Variants in CEP70 observed in about 807,000 individuals in gnomAD.
The protein encoded by CEP70 is centrosomal protein of 70 kDa.
A neutral mutation model predicts 90.9 loss-of-function variants in CEP70; 70 were observed. That is an observed-to-expected ratio of 0.77 (90% CI 0.64 to 0.94). The LOEUF is 0.94. CEP70 is among the 40% of genes least tolerant of loss of function. The probability of loss-of-function intolerance (pLI) is 0.00; values close to 1 mark genes in which losing one functional copy is unlikely to be tolerated. For synonymous variants in CEP70, 220 were observed against 228.3 expected, an observed-to-expected ratio of 0.96 and a Z score of 0.33; for missense variants, 648 against 669.0, an observed-to-expected ratio of 0.97 and a Z score of 0.35.
At chr3:138,527,977 C>T (rs899988774) in intron 10 of CEP70, among the ~76,000 whole-genome samples, 1 of 140,108 alleles carries the variant, frequency 7.1e-6, no homozygotes, top group African/African-American at 2.7e-5. Flanking sequence ...GTGTACTGTA[C>T]ATCAATTGTA....
intron 6 of CEP70, among the ~76,000 whole-genome samples, chr3:138,561,725 A>C (rs2040420069): frequency 6.6e-6 from 1 of 152,270 alleles, no homozygotes; most frequent in East Asian, 1.9e-4. Context: ...AAAACACAGC[A>C]TAAGAACTTC....
chr3:138,564,367 T>C (rs1166347934), intron 6 of CEP70, among the ~76,000 whole-genome samples: 2 of 152,188 alleles, frequency 1.3e-5, no homozygotes, highest in East Asian at 1.9e-4. Flanking sequence ...ATCATCCTGA[T>C]ACCAAAACCT....
At chr3:138,556,665 C>G (rs557697716) in intron 6 of CEP70, among the ~76,000 whole-genome samples, 21 of 151,662 alleles carry the variant, frequency 1.4e-4, no homozygotes, top group Non-Finnish European at 2.6e-4. Flanking sequence ...AATTTTAAAG[C>G]TGGGCGTCCG....
chr3:138,587,486 C>T (rs1230962096), intron 2 of CEP70, among the ~76,000 whole-genome samples: 1 of 151,930 alleles, frequency 6.6e-6, no homozygotes, highest in Non-Finnish European at 1.5e-5. Context: ...GACAAAACAA[C>T]TTTGAAAAAG....
intron 6 of CEP70, among the ~76,000 whole-genome samples, chr3:138,559,449 C>T (rs1392899497): frequency 1.3e-5 from 2 of 152,112 alleles, no homozygotes; most frequent in Admixed American, 6.5e-5. Context: ...AAAACAAAAA[C>T]AAGCTGAGCC....
intron 13 of CEP70, among the ~76,000 whole-genome samples, chr3:138,504,037 C>A (rs1056971318): frequency 1.3e-5 from 2 of 152,166 alleles, no homozygotes; most frequent in Admixed American, 1.3e-4. Flanking sequence ...CTCTTCTAGT[C>A]TTTTCTTCTA....
At chr3:138,545,818 C>A (rs912619482) in intron 6 of CEP70, among the ~76,000 whole-genome samples, 2 of 152,048 alleles carry the variant, frequency 1.3e-5, no homozygotes, top group African/African-American at 4.8e-5. Flanking sequence ...CCTGCAGTAC[C>A]CTCAGGCTTA....
At chr3:138,518,913 C>A (rs2036327340) in intron 11 of CEP70, among the ~76,000 whole-genome samples, 1 of 151,924 alleles carries the variant, frequency 6.6e-6, no homozygotes, top group Non-Finnish European at 1.5e-5. Flanking sequence ...GAACCCAAGG[C>A]AAAGAAGTTA....
At chr3:138,528,173 T>C (rs2107742183) in intron 10 of CEP70, among the ~76,000 whole-genome samples, 1 of 151,558 alleles carries the variant, frequency 6.6e-6, no homozygotes, top group African/African-American at 2.4e-5. Context: ...GTCTTCGGAG[T>C]AGCTGGGACT....
At chr3:138,517,483 A>G (rs1296111285) in intron 11 of CEP70, among the ~76,000 whole-genome samples, 1 of 152,128 alleles carries the variant, frequency 6.6e-6, no homozygotes, top group Non-Finnish European at 1.5e-5. Flanking sequence ...TGGCTAACAC[A>G]GTGAAACCCC....
chr3:138,548,244 A>C (rs1263673262), intron 6 of CEP70, among the ~76,000 whole-genome samples: 2 of 152,158 alleles, frequency 1.3e-5, no homozygotes, highest in African/African-American at 4.8e-5. Flanking sequence ...AATGTAATAC[A>C]CCGCATTAGC....
chr3:138,495,867 A>G (rs2033923629), intron 17 of CEP70: 1 of 984,806 alleles, frequency 1.0e-6, no homozygotes, highest in Non-Finnish European at 1.2e-6. Context: ...AAAAACAATT[A>G]TCTGCCTAAT....
intron 3 of CEP70, 109 bp from the exon 4 acceptor site, chr3:138,571,465 T>C (rs1236398269): frequency 1.3e-6 from 1 of 769,248 alleles, no homozygotes; most frequent in Non-Finnish European, 2.1e-6. Context: ...TTCAAAAGTT[T>C]TAAGTATAAA....
intron 11 of CEP70, among the ~76,000 whole-genome samples, chr3:138,521,609 C>T (rs550218887): frequency 8.1e-5 from 12 of 147,940 alleles, no homozygotes; most frequent in Admixed American, 4.0e-4. Context: ...TCTACCTGGC[C>T]GCCACCCCAT....
chr3:138,568,109 C>G (rs2040913433), intron 6 of CEP70, among the ~76,000 whole-genome samples: 1 of 152,158 alleles, frequency 6.6e-6, no homozygotes, highest in Non-Finnish European at 1.5e-5. Context: ...CCCCAGGTAT[C>G]CACTCCTCAA....
At chr3:138,528,135 C>G (rs1208698976) in intron 10 of CEP70, among the ~76,000 whole-genome samples, 1 of 150,560 alleles carries the variant, frequency 6.6e-6, no homozygotes, top group African/African-American at 2.4e-5. Flanking sequence ...GCCCTGACTT[C>G]CTGGGGTCAA....
Position 138,540,223 on chromosome 3 carries a change from G to A in CEP70, c.466-2876C>T, listed in dbSNP as rs139582022. On this transcript the variant is annotated intron_variant, in intron 6 of 17. Coordinates refer to ENST00000264982, the MANE Select transcript of CEP70 (RefSeq NM_024491.4). ...AAAAAAAAAAGCTTAGGCCAGGCGCGGTGGCTCATGCCTGTAATCCCAACA... is the reference window on the plus strand; with the variant it reads ...AAAAAAAAAAGCTTAGGCCAGGCGCAGTGGCTCATGCCTGTAATCCCAACA... Among the ~76,000 whole-genome samples the A allele has an allele frequency of 4.3e-3, 657 of 151,982 alleles. 4 individuals carry two copies. The highest frequency in any genetic ancestry group is 0.015 in the African/African-American group (623 of 41,468).
At chr3:138,565,720 C>A (rs946614823) in intron 6 of CEP70, among the ~76,000 whole-genome samples, 2 of 151,926 alleles carry the variant, frequency 1.3e-5, no homozygotes, top group Non-Finnish European at 2.9e-5. Flanking sequence ...ACCATAAAAT[C>A]CCTAGAAGAA....
chr3:138,508,935 G>A (rs1362221058), intron 11 of CEP70, among the ~76,000 whole-genome samples: 3 of 151,948 alleles, frequency 2.0e-5, no homozygotes, highest in Non-Finnish European at 4.4e-5. Context: ...GGGTTTCACC[G>A]TGTTAACCAG....
Sources: allele counts gnomAD v4.1 joint callset (sites outside exome capture counted in the v4.1 genomes callset), GRCh38; gene constraint gnomAD v4.1.1; transcripts MANE v1.5; gene names NCBI Gene and HGNC (gene_info 2026-07-23, HGNC 2026-07-21).